Variants in PROX1 observed in about 807,000 individuals in gnomAD.
The protein encoded by PROX1 is prospero homeobox protein 1.
In PROX1, 7 loss-of-function variants were observed where a neutral mutation model predicts 58.8. That is an observed-to-expected ratio of 0.12 (90% CI 0.07 to 0.22). The LOEUF is 0.22. Ranked by LOEUF, PROX1 falls within the 10% of genes least tolerant of loss-of-function variation. The pLI, the probability that PROX1 is intolerant of heterozygous loss-of-function variation, is 1.00. For missense variants in PROX1, 675 were observed against 927.8 expected, an observed-to-expected ratio of 0.73 and a Z score of 3.54; for synonymous variants, 350 against 358.3, an observed-to-expected ratio of 0.98 and a Z score of 0.26.
At chr1:214,025,119 A>G (rs1664407598) in intron 4 of PROX1, among the ~76,000 whole-genome samples, 1 of 152,212 alleles carries the variant, frequency 6.6e-6, no homozygotes, top group African/African-American at 2.4e-5. Flanking sequence ...ACTGGCAGGA[A>G]AGCTCCCAAT....
chr1:213,998,058 A>G lies in PROX1; in HGVS notation c.1523A>G (p.Asp508Gly). 6.2e-7 allele frequency: 1 copy of G among 1,613,036 alleles called. No individual in the cohort carries two copies. Among genetic ancestry groups the G allele is most frequent in the East Asian group, 2.2e-5 (1 of 44,848 alleles). ...CCCTCCGGCTCCTTCTCTGGAAAAG[A>G]CAGAGCCTCTCCTGAATCCTTAGAC... Reference protein sequence around the residue: ...GAPSGSFSGKDRASPESLDLT... With the variant: ...GAPSGSFSGKGRASPESLDLT... Residue 508 changes from aspartate to glycine, a missense_variant, in exon 2 of 5, where the codon GAC (aspartate) becomes GGC (glycine). This residue lies in a region of PROX1 where 403 missense variants were observed against 477.4 expected (regional missense o/e 0.84). Transcript: ENST00000366958.
At chr1:214,004,388 T>C (rs1435063940) in intron 2 of PROX1, among the ~76,000 whole-genome samples, 4 of 152,226 alleles carry the variant, frequency 2.6e-5, no homozygotes, top group Non-Finnish European at 5.9e-5. Context: ...TAAGTGGCCA[T>C]TTATTGATCT....
Position 214,011,055 on chromosome 1 carries a change from G to A in PROX1, c.1834-466G>A, listed in dbSNP as rs74689514. On this transcript the variant is annotated intron_variant, in intron 3 of 4. Transcript: ENST00000366958. ...CCATTTGTCTGCATTGAAGGGGGCTGTAATGCGGTGATACAAATCCTCACT... is the reference window on the plus strand; with the variant it reads ...CCATTTGTCTGCATTGAAGGGGGCTATAATGCGGTGATACAAATCCTCACT... 2.7e-4 allele frequency among the ~76,000 whole-genome samples: 41 copies of A among 152,090 alleles called. 1 individual carries two copies. In the East Asian group the frequency reaches 7.4e-3, roughly 27 times the overall value.
intron 4 of PROX1, among the ~76,000 whole-genome samples, chr1:214,017,878 G>T (rs1367030633): frequency 2.6e-5 from 4 of 152,148 alleles, no homozygotes; most frequent in Non-Finnish European, 5.9e-5. Context: ...TGTGTGGAGT[G>T]ATGCCTATTG....
chr1:214,000,907 C>A (rs1432819970), intron 2 of PROX1, among the ~76,000 whole-genome samples: 1 of 152,102 alleles, frequency 6.6e-6, no homozygotes, highest in African/African-American at 2.4e-5. Context: ...TGATGTCTTA[C>A]TTCAATTTTA....
At position 214,038,644 on chromosome 1, in the gene PROX1, G is replaced by T. The variant is rs1247861011; in HGVS notation, c.*2810G>T. 1.3e-5 allele frequency: 2 copies of T among 152,000 alleles called. No individual in the cohort carries two copies. Among genetic ancestry groups the T allele is most frequent in the African/African-American group, 4.8e-5 (2 of 41,388 alleles). The allele number at this position is 152,000 out of a possible 1,614,324, so 9.4% of individuals were successfully genotyped here. On this transcript the variant is annotated 3_prime_UTR_variant, in exon 5 of 5. Coordinates refer to ENST00000366958, the MANE Select transcript of PROX1 (RefSeq NM_001270616.2). The stretch of plus-strand genomic sequence containing the variant: ...GTGCCTAGACCTAAAATGCACCAGC[G>T]GGGGGGATTTTAAAAAATCCTTCAA...
intron 1 of PROX1, among the ~76,000 whole-genome samples, chr1:213,989,170 C>T (rs1206346093): frequency 6.6e-6 from 1 of 151,984 alleles, no homozygotes; most frequent in Non-Finnish European, 1.5e-5. Context: ...GGGGGGCGCT[C>T]TGTTACTTTC....
intron 2 of PROX1, among the ~76,000 whole-genome samples, chr1:213,998,779 A>G (rs1228630865): frequency 6.6e-6 from 1 of 152,224 alleles, no homozygotes; most frequent in African/African-American, 2.4e-5. Context: ...CAGCCCGATG[A>G]AATCTTAGGA....
intron 4 of PROX1, among the ~76,000 whole-genome samples, chr1:214,014,423 G>T (rs1000884483): frequency 2.0e-5 from 3 of 152,212 alleles, no homozygotes; most frequent in Non-Finnish European, 4.4e-5. Flanking sequence ...AGATCCAGTC[G>T]ATTCCAAGGA....
chr1:214,017,134 T>C (rs1664124063), intron 4 of PROX1, among the ~76,000 whole-genome samples: 1 of 152,150 alleles, frequency 6.6e-6, no homozygotes, highest in African/African-American at 2.4e-5. Flanking sequence ...AGCAGTGTCT[T>C]GGCACATATC....
chr1:213,996,379 T>C (rs1159524155), intron 1 of PROX1, 90 bp from the exon 2 acceptor site: 4 of 772,382 alleles, frequency 5.2e-6, no homozygotes, highest in Non-Finnish European at 8.2e-6. Flanking sequence ...CCAGAGCCTA[T>C]GCATTTTGCA....
In PROX1 at chr1:214,037,185, T is replaced by C. The variant is rs1664855450; in HGVS notation, c.*1351T>C. On this transcript the variant is annotated 3_prime_UTR_variant, in exon 5 of 5. Transcript: ENST00000366958. The stretch of plus-strand genomic sequence containing the variant: ...TTCCCTGTTTTTCAATGATGTACAG[T>C]GTTCCCTACTTGCATTGAAAAAACT... The C allele has an allele frequency of 6.6e-6, 1 of 152,222 alleles. No homozygotes were observed. The highest frequency in any genetic ancestry group is 2.1e-4 in the South Asian group (1 of 4,824). 9.4% of individuals were successfully genotyped at this position (152,222 alleles called of 1,614,324 possible).
intron 1 of PROX1, among the ~76,000 whole-genome samples, chr1:213,989,484 G>T (rs1662943409): frequency 6.6e-6 from 1 of 152,064 alleles, no homozygotes; most frequent in Non-Finnish European, 1.5e-5. Flanking sequence ...GGCAGCTTCG[G>T]TCTGGTCTCG....
chr1:214,014,804 T>C (rs1664037533), intron 4 of PROX1, among the ~76,000 whole-genome samples: 1 of 152,182 alleles, frequency 6.6e-6, no homozygotes, highest in African/African-American at 2.4e-5. Flanking sequence ...TCTCTCAGCC[T>C]TCTACTCCCA....
At chr1:214,001,000 G>A (rs1011321071) in intron 2 of PROX1, among the ~76,000 whole-genome samples, 9 of 138,396 alleles carry the variant, frequency 6.5e-5, no homozygotes, top group Non-Finnish European at 1.3e-4. Context: ...TAATGAAATG[G>A]TACAACTGTG....
chr1:214,022,087 CT>C (rs1423525539), intron 4 of PROX1, among the ~76,000 whole-genome samples: 5 of 152,158 alleles, frequency 3.3e-5, no homozygotes, highest in Admixed American at 3.3e-4. Flanking sequence ...AAAGAAAATG[CT>C]TTGGGGAGTC....
chr1:213,998,291 AC>A (rs773205283), intron 2 of PROX1, 31 bp downstream of exon 2: 110 of 1,516,310 alleles, frequency 7.3e-5, no homozygotes, highest in Non-Finnish European at 9.4e-5. Context: ...CGAGGAAAAA[AC>A]AAACCAAAAA....
intron 4 of PROX1, 24 bp downstream of exon 4, chr1:214,011,739 G>T (rs763891192): frequency 2.3e-5 from 35 of 1,518,078 alleles, no homozygotes; most frequent in Non-Finnish European, 2.5e-5. Context: ...TTTATTTTTT[G>T]GTCATCTCCC....
chr1:213,989,113 T>C (rs1054149577), intron 1 of PROX1, among the ~76,000 whole-genome samples: 6 of 152,234 alleles, frequency 3.9e-5, no homozygotes, highest in African/African-American at 1.4e-4. Flanking sequence ...TCTCCTTTTT[T>C]AACCCCAGCA....
Sources: gnomAD v4.1 joint callset for allele counts (sites outside exome capture counted in the v4.1 genomes callset) on GRCh38, gnomAD v4.1.1 for gene constraint, gnomAD v4.1.1 regional missense constraint, MANE v1.5 for transcripts, NCBI Gene and HGNC (gene_info 2026-07-23, HGNC 2026-07-21) for gene names.